The following LRP6 variants were observed in gnomAD, a reference collection of about 807,000 sequenced individuals.
LRP6 encodes the protein LDL receptor related protein 6, also known as low-density lipoprotein receptor-related protein 6.
In LRP6, 43 loss-of-function variants were observed where a neutral mutation model predicts 184.1. That is an observed-to-expected ratio of 0.23 (90% CI 0.18 to 0.30). The LOEUF (loss-of-function observed/expected upper bound fraction) is 0.30. Among genes scored for constraint, LRP6 ranks in the 10% least tolerant of loss-of-function variants. The pLI is 1.00. For missense variants in LRP6, 1,571 were observed against 2,005.3 expected (o/e 0.78, Z 4.14); for synonymous variants, 719 against 684.9 (o/e 1.05, Z -0.78).
chr12:12,266,139 G>A (rs1029904824), intron 1 of LRP6, among the ~76,000 whole-genome samples: 1 of 152,060 alleles, frequency 6.6e-6, no homozygotes, highest in African/African-American at 2.4e-5. Context: ...TTCCAACTGC[G>A]CTCTCACCCA....
intron 1 of LRP6, chr12:12,249,052 C>A (rs2135926683): frequency 7.3e-6 from 5 of 680,522 alleles, no homozygotes; most frequent in Admixed American, 2.0e-5. Context: ...TGGAAGAACT[C>A]AAAGAAGGCC....
intron 2 of LRP6, among the ~76,000 whole-genome samples, chr12:12,223,749 AT>A (rs1371287918): frequency 6.6e-6 from 1 of 152,220 alleles, no homozygotes; most frequent in Non-Finnish European, 1.5e-5. Context: ...TACACTGTAT[AT>A]AGTAAGCTAA....
At chr12:12,198,953 A>AT (rs1863843437) in intron 3 of LRP6, among the ~76,000 whole-genome samples, 3 of 152,284 alleles carry the variant, frequency 2.0e-5, no homozygotes, top group South Asian at 4.1e-4. Context: ...TTCCTAAAAG[A>AT]TTGACTTTTC....
At chr12:12,157,812 C>T (rs796860015) in intron 12 of LRP6, among the ~76,000 whole-genome samples, 4 of 152,230 alleles carry the variant, frequency 2.6e-5, no homozygotes, top group African/African-American at 9.6e-5. Flanking sequence ...ATTTCTTAAT[C>T]GTATCTACCA....
At chr12:12,168,625 C>T (rs1862949611) in intron 7 of LRP6, among the ~76,000 whole-genome samples, 1 of 152,136 alleles carries the variant, frequency 6.6e-6, no homozygotes, top group African/African-American at 2.4e-5. Flanking sequence ...GTTTCAGAAA[C>T]ACTTCATTTA....
intron 15 of LRP6, among the ~76,000 whole-genome samples, chr12:12,141,860 T>C (rs142006092): frequency 2.6e-5 from 4 of 152,288 alleles, no homozygotes; most frequent in African/African-American, 9.6e-5. Flanking sequence ...AGTCTAGACT[T>C]AAAAAAATTA....
At chr12:12,138,984 G>T (rs1243744267) in intron 15 of LRP6, 1 of 1,345,918 alleles carries the variant, frequency 7.4e-7, no homozygotes, top group Non-Finnish European at 9.9e-7. Flanking sequence ...CCCAAGGTAA[G>T]AATTATTTCT....
chr12:12,166,419 A>T (rs917209949), intron 7 of LRP6, among the ~76,000 whole-genome samples: 2 of 152,226 alleles, frequency 1.3e-5, no homozygotes, highest in Non-Finnish European at 2.9e-5. Context: ...TCTATTAGGG[A>T]GCACCCAACA....
chr12:12,184,361 TAAAC>T (rs550859751), intron 4 of LRP6, among the ~76,000 whole-genome samples: 1 of 123,016 alleles, frequency 8.1e-6, no homozygotes, highest in African/African-American at 2.6e-5. Flanking sequence ...TTTAGTCAGT[TAAAC>T]AAAATTAACA....
At chr12:12,233,729 G>A (rs969354076) in intron 2 of LRP6, among the ~76,000 whole-genome samples, 36 of 152,116 alleles carry the variant, frequency 2.4e-4, no homozygotes, top group African/African-American at 8.4e-4. Flanking sequence ...TTAAAGAATT[G>A]TTCATCGCAA....
chr12:12,143,609 T>C (rs953699226), intron 15 of LRP6, among the ~76,000 whole-genome samples: 1 of 152,106 alleles, frequency 6.6e-6, no homozygotes, highest in African/African-American at 2.4e-5. Flanking sequence ...ATGACCAAGG[T>C]GATACTACAG....
intron 22 of LRP6, among the ~76,000 whole-genome samples, chr12:12,122,034 G>GT (rs2136831158): frequency 6.6e-6 from 1 of 152,228 alleles, no homozygotes; most frequent in South Asian, 2.1e-4. Context: ...CTGTGTATAG[G>GT]TAAGTACCTC....
intron 6 of LRP6, among the ~76,000 whole-genome samples, chr12:12,180,718 G>C (rs996024112): frequency 6.6e-6 from 1 of 152,060 alleles, no homozygotes; most frequent in African/African-American, 2.4e-5. Context: ...AAGCTTCTAG[G>C]GGAAGGGAAA....
chr12:12,173,138 G>C lies in LRP6; in HGVS notation c.1545+6672C>G, dbSNP rs144097223. ...TAAAACCTGAATTACTCCAGGAAACGAAAAAATTGAGAACAGAGTTCCAGA... is the reference window on the plus strand; with the variant it reads ...TAAAACCTGAATTACTCCAGGAAACCAAAAAATTGAGAACAGAGTTCCAGA... On this transcript the variant is annotated intron_variant, in intron 7 of 22. Transcript: ENST00000261349. Among the ~76,000 whole-genome samples, 95 of 152,138 alleles carry C rather than the reference G, an allele frequency of 6.2e-4. 1 individual carries two copies. The highest frequency in any genetic ancestry group is 3.7e-3 in the South Asian group (18 of 4,818).
chr12:12,212,865 G>A (rs1424029478), intron 2 of LRP6, among the ~76,000 whole-genome samples: 4 of 152,146 alleles, frequency 2.6e-5, no homozygotes, highest in Admixed American at 2.6e-4. Flanking sequence ...TTGACCTTGA[G>A]AATTCTTGGT....
intron 1 of LRP6, among the ~76,000 whole-genome samples, chr12:12,245,571 A>ATTGTCTAT (rs1865163381): frequency 6.6e-6 from 1 of 152,188 alleles, no homozygotes; most frequent in Admixed American, 6.5e-5. Context: ...AGCAAAATTT[A>ATTGTCTAT]TTGTCTATCA....
intron 2 of LRP6, among the ~76,000 whole-genome samples, chr12:12,231,188 A>AAG (rs1864778279): frequency 6.8e-6 from 1 of 147,628 alleles, no homozygotes. Context: ...CTCAAAAAAA[A>AAG]AAAAAAAAAA....
intron 7 of LRP6, 74 bp downstream of exon 7, chr12:12,179,736 T>C (rs1863294455): frequency 2.0e-6 from 3 of 1,493,772 alleles, no homozygotes; most frequent in South Asian, 2.3e-5. Flanking sequence ...AGAATATCTG[T>C]ACTCAAATCA....
chr12:12,133,011 A>C (rs1435547071), intron 17 of LRP6, among the ~76,000 whole-genome samples: 1 of 152,230 alleles, frequency 6.6e-6, no homozygotes, highest in Admixed American at 6.5e-5. Flanking sequence ...TACAACAGAG[A>C]ATATTGCAGA....
Sources: allele counts gnomAD v4.1 joint callset (sites outside exome capture counted in the v4.1 genomes callset), GRCh38; gene constraint gnomAD v4.1.1; transcripts MANE v1.5; gene names NCBI Gene and HGNC (gene_info 2026-07-23, HGNC 2026-07-21).